The following GALM variants were observed in gnomAD, a reference collection of about 807,000 sequenced individuals.
GALM encodes galactose mutarotase.
Under a neutral mutation model 37.4 loss-of-function variants are expected in GALM, and 43 were observed. That is an observed-to-expected ratio of 1.15 (90% confidence interval 0.90 to 1.48). The LOEUF (loss-of-function observed/expected upper bound fraction) is 1.48. GALM is among the 40% of genes most tolerant of loss of function. The probability of loss-of-function intolerance (pLI) is 0.00; values close to 1 mark genes in which losing one functional copy is unlikely to be tolerated. For missense variants in GALM, 456 were observed against 419.1 expected (o/e 1.09, Z -0.77); for synonymous variants, 199 against 170.6 (o/e 1.17, Z -1.30).
At chr2:38,710,243 G>A (rs954378392) in intron 4 of GALM, among the ~76,000 whole-genome samples, 12 of 152,292 alleles carry the variant, frequency 7.9e-5, no homozygotes, top group Non-Finnish European at 1.2e-4. Context: ...GATGCATGTG[G>A]TCATCAGATG....
At chr2:38,705,056 G>T (rs1334901825) in intron 4 of GALM, among the ~76,000 whole-genome samples, 3 of 152,192 alleles carry the variant, frequency 2.0e-5, no homozygotes, top group African/African-American at 7.2e-5. Flanking sequence ...ACTTGGCCAG[G>T]CGATGTGTAA....
At chr2:38,707,093 T>A (rs1345958738) in intron 4 of GALM, among the ~76,000 whole-genome samples, 1 of 119,684 alleles carries the variant, frequency 8.4e-6, no homozygotes, top group Admixed American at 9.0e-5. Flanking sequence ...GAGTTGTGAG[T>A]AGGGGAGGAG....
chr2:38,708,983 G>T (rs1482770412), intron 4 of GALM, among the ~76,000 whole-genome samples: 1 of 152,174 alleles, frequency 6.6e-6, no homozygotes, highest in African/African-American at 2.4e-5. Context: ...TCTCGGCAGG[G>T]CGGAGTCAGG....
intron 3 of GALM, among the ~76,000 whole-genome samples, chr2:38,688,811 A>ATTTAT (rs1194744782): frequency 2.0e-5 from 3 of 152,072 alleles, no homozygotes; most frequent in African/African-American, 7.2e-5. Context: ...ATTAGCCCAA[A>ATTTAT]TTTATTTTAT....
At chr2:38,679,561 G>A (rs1362940912) in intron 2 of GALM, among the ~76,000 whole-genome samples, 1 of 152,148 alleles carries the variant, frequency 6.6e-6, no homozygotes, top group Non-Finnish European at 1.5e-5. Context: ...TTTATGTAAA[G>A]CACCAGGTCA....
Position 38,709,699 on chromosome 2 carries a change from T to C in GALM, c.634+19805T>C, listed in dbSNP as rs118014178. Among the ~76,000 whole-genome samples, 886 of 152,298 alleles carry C rather than the reference T, an allele frequency of 5.8e-3. 11 individuals carry two copies. The highest frequency in any genetic ancestry group is 0.051 in the East Asian group (264 of 5,182). ...GTGAAAAATGTATAGAAATGTTACC[T>C]TACCAAAAAATTCCCAAGGTGCTTT... On this transcript the variant is annotated intron_variant, in intron 4 of 6. Coordinates refer to ENST00000272252, the MANE Select transcript of GALM (RefSeq NM_138801.3).
At position 38,666,219 on chromosome 2, in the gene GALM, G is replaced by C; in HGVS notation, c.58G>C (p.Glu20Gln). Residue 20 changes from glutamate to glutamine, a missense_variant, in exon 1 of 7, where the codon GAG (glutamate) becomes CAG (glutamine). By Grantham distance (29) the Glu-to-Gln change is conservative. Transcript: ENST00000272252. ...GCTGCCCTCGGGAGGAGGGACAGTG[G>C]AGAAGTTCCAGCTGCAGTCAGACCT... is the stretch of plus-strand genomic sequence containing the variant. ...GELPSGGGTV[E>Q]KFQLQSDLLR... 1 of 1,614,098 alleles carries C rather than the reference G, an allele frequency of 6.2e-7. No individual in the cohort carries two copies. Among genetic ancestry groups the C allele is most frequent in the Non-Finnish European group, 8.5e-7 (1 of 1,179,972 alleles).
At chr2:38,704,680 A>T (rs1042735604) in intron 4 of GALM, among the ~76,000 whole-genome samples, 1 of 152,032 alleles carries the variant, frequency 6.6e-6, no homozygotes, top group Non-Finnish European at 1.5e-5. Flanking sequence ...TCCATTAAAA[A>T]AAAAAAAAGT....
chr2:38,714,338 CCGATTA>C (rs1359933951), intron 4 of GALM, among the ~76,000 whole-genome samples: 1 of 152,018 alleles, frequency 6.6e-6, no homozygotes, highest in Non-Finnish European at 1.5e-5. Flanking sequence ...CTTCAGCCTC[CCGATTA>C]GCTGGGACTA....
At chr2:38,687,106 G>A (rs977505660) in intron 3 of GALM, among the ~76,000 whole-genome samples, 8 of 152,198 alleles carry the variant, frequency 5.3e-5, no homozygotes, top group Admixed American at 1.3e-4. Context: ...ATAGGGCCAA[G>A]GAAATACAGT....
intron 4 of GALM, among the ~76,000 whole-genome samples, chr2:38,699,284 A>G (rs1307768076): frequency 1.3e-5 from 2 of 152,232 alleles, no homozygotes; most frequent in Non-Finnish European, 2.9e-5. Flanking sequence ...TACCTAATAC[A>G]TATTTACAGG....
chr2:38,688,363 T>C (rs1341655574), intron 3 of GALM, among the ~76,000 whole-genome samples: 1 of 151,754 alleles, frequency 6.6e-6, no homozygotes, highest in African/African-American at 2.4e-5. Context: ...AATACAAAAT[T>C]AGCCAGACGT....
chr2:38,722,802 T>C (rs1208048018), intron 4 of GALM, among the ~76,000 whole-genome samples: 1 of 152,096 alleles, frequency 6.6e-6, no homozygotes, highest in Non-Finnish European at 1.5e-5. Flanking sequence ...AGAGCAACTG[T>C]CGGGGTTGGG....
Position 38,733,526 on chromosome 2 carries a change from G to A in GALM, c.990G>A (p.Glu330=), listed in dbSNP as rs759351576. The part of the protein sequence containing the change: ...FPPVLLRPGE[E]YDHTTWFKFS... The stretch of plus-strand genomic sequence containing the variant: ...CTGTGCTGCTGAGGCCTGGTGAGGA[G>A]TATGACCACACCACCTGGTTCAAGT... Residue 330 remains glutamate, a synonymous_variant, in exon 7 of 7, where the codon GAG becomes GAA. Transcript: ENST00000272252. 6.2e-7 allele frequency: 1 copy of A among 1,614,010 alleles called. No homozygotes were observed. Among genetic ancestry groups the A allele is most frequent in the Admixed American group, 1.7e-5 (1 of 60,002 alleles).
chr2:38,673,741 C>T (rs1408557180), intron 1 of GALM, among the ~76,000 whole-genome samples: 3 of 146,416 alleles, frequency 2.0e-5, no homozygotes, highest in Admixed American at 7.1e-5. Flanking sequence ...ACCTGGGAGG[C>T]GGAGCTTACA....
chr2:38,696,576 T>C (rs897534662), intron 4 of GALM, among the ~76,000 whole-genome samples: 1 of 151,472 alleles, frequency 6.6e-6, no homozygotes, highest in African/African-American at 2.4e-5. Context: ...GGATTACAGG[T>C]GCACATCACC....
rs1310836645 is a variant in GALM, at chr2:38,731,760, G to T, written c.802G>T (p.Val268Leu). The change falls in exon 6 of 7, where the codon GTA (valine) becomes TTA (leucine). Residue 268 changes from valine to leucine, a missense_variant. Val to Leu is a conservative substitution (Grantham distance 32, BLOSUM62 1). Transcript: ENST00000272252. ...GGTGCATCATGCTGCAAGCGGGCGGGTACTAGAAGTATACACCACCCAGCC... is the reference window on the plus strand; with the variant it reads ...GGTGCATCATGCTGCAAGCGGGCGGTTACTAGAAGTATACACCACCCAGCC... ...ARVHHAASGR[V>L]LEVYTTQPGV... 1 of 1,613,956 alleles carries T rather than the reference G, an allele frequency of 6.2e-7. No individual in the cohort carries two copies. Among genetic ancestry groups the T allele is most frequent in the Non-Finnish European group, 8.5e-7 (1 of 1,179,918 alleles).
At chr2:38,725,177 T>C (rs1437409898) in intron 4 of GALM, among the ~76,000 whole-genome samples, 2 of 152,210 alleles carry the variant, frequency 1.3e-5, no homozygotes, top group Non-Finnish European at 2.9e-5. Flanking sequence ...AGAATATAGG[T>C]TGGTAAGACT....
intron 3 of GALM, among the ~76,000 whole-genome samples, chr2:38,687,043 C>T (rs1344637425): frequency 6.6e-6 from 1 of 152,208 alleles, no homozygotes; most frequent in Non-Finnish European, 1.5e-5. Context: ...AACCTTCACA[C>T]CCCTTGTCTC....
Sources: allele counts gnomAD v4.1 joint callset (sites outside exome capture counted in the v4.1 genomes callset), GRCh38; gene constraint gnomAD v4.1.1; transcripts MANE v1.5; gene names NCBI Gene and HGNC (gene_info 2026-07-23, HGNC 2026-07-21).